The following UBA2 variants were observed in gnomAD, a reference collection of about 807,000 sequenced individuals.
UBA2 encodes ubiquitin like modifier activating enzyme 2, also known as SUMO-activating enzyme subunit 2.
A neutral mutation model predicts 77.2 loss-of-function variants in UBA2; 11 were observed. That is an observed-to-expected ratio of 0.14 (90% CI 0.09 to 0.24). The LOEUF (loss-of-function observed/expected upper bound fraction) is 0.24. Among genes scored for constraint, UBA2 ranks in the 10% least tolerant of loss-of-function variants. The probability of loss-of-function intolerance (pLI) is 1.00; values close to 1 mark genes in which losing one functional copy is unlikely to be tolerated. For missense variants in UBA2, 487 were observed against 781.7 expected (o/e 0.62, Z 4.50); for synonymous variants, 278 against 276.7 (o/e 1.00, Z -0.05).
rs1318681458 is a variant in UBA2, at chr19:34,454,425, C to A, written c.1133-19C>A. ...TTTTTAAACAGTGAAACATACTCATCCTTTTTTTTTTTTCCCAGCAATGGC... is the reference window on the plus strand; with the variant it reads ...TTTTTAAACAGTGAAACATACTCATACTTTTTTTTTTTTCCCAGCAATGGC... On this transcript the variant is annotated intron_variant, in intron 11 of 16. Transcript: ENST00000246548. 1.3e-6 allele frequency: 2 copies of A among 1,540,854 alleles called. No homozygotes were observed. Among genetic ancestry groups the A allele is most frequent in the African/African-American group, 2.8e-5 (2 of 72,082 alleles).
chr19:34,460,385 T>C (rs1253086460), intron 13 of UBA2, 85 bp from the exon 14 acceptor site: 6 of 892,164 alleles, frequency 6.7e-6, no homozygotes, highest in Non-Finnish European at 1.0e-5. Flanking sequence ...AAGGGGAAAG[T>C]AAGAGCCTTT....
chr19:34,456,195 A>G (rs545732098), intron 12 of UBA2, among the ~76,000 whole-genome samples: 9 of 138,578 alleles, frequency 6.5e-5, no homozygotes, highest in Admixed American at 4.0e-4. Context: ...GCTCACTGCA[A>G]CCTCCACCTG....
chr19:34,469,114 G>C lies in UBA2; in HGVS notation c.1816G>C (p.Glu606Gln), dbSNP rs1260968686. The stretch of plus-strand genomic sequence containing the variant: ...TTCAAATAATGCCGACGTCAGTGAA[G>C]AAGAGAGAAGCCGCAAGAGGAAATT... Reference protein sequence around the residue: ...DSSNNADVSEEERSRKRKLDE... With the variant: ...DSSNNADVSEQERSRKRKLDE... Residue 606 changes from glutamate to glutamine, a missense_variant, in exon 17 of 17, where the codon GAA (glutamate) becomes CAA (glutamine). Transcript: ENST00000246548. 6.2e-7 allele frequency: 1 copy of C among 1,613,692 alleles called. No homozygotes were observed. Among genetic ancestry groups the C allele is most frequent in the Admixed American group, 1.7e-5 (1 of 59,974 alleles).
intron 5 of UBA2, among the ~76,000 whole-genome samples, chr19:34,437,367 T>C (rs535171046): frequency 6.7e-6 from 1 of 149,820 alleles, no homozygotes; most frequent in South Asian, 2.2e-4. Context: ...CCCAGCACTT[T>C]GGGAGGCCAA....
At position 34,460,541 on chromosome 19, in the gene UBA2, A is replaced by G. The variant is rs765778873; in HGVS notation, c.1473A>G (p.Ile491Met). The G allele has an allele frequency of 4.3e-6, 7 of 1,611,444 alleles. No homozygotes were observed. Among genetic ancestry groups the G allele is most frequent in the Non-Finnish European group, 5.9e-6 (7 of 1,178,892 alleles). ...QIEDGKGTIL[I>M]SSEEGETEAN... Reference sequence around the variant, plus strand: ...AAGATGGGAAAGGAACAATCCTAATATCTTCCGAAGAGGGAGAGACGGAAG... The same window carrying G: ...AAGATGGGAAAGGAACAATCCTAATGTCTTCCGAAGAGGGAGAGACGGAAG... The change falls in exon 14 of 17, where the codon ATA becomes ATG. Residue 491 changes from isoleucine to methionine, a missense_variant. Ile to Met is a conservative substitution (Grantham distance 10). This residue lies in a region of UBA2 where 300 missense variants were observed against 454.3 expected (regional missense o/e 0.66). Coordinates refer to ENST00000246548, the MANE Select transcript of UBA2 (RefSeq NM_005499.3).
chr19:34,437,412 CCAG>C (rs999716247), intron 5 of UBA2, among the ~76,000 whole-genome samples: 3 of 150,284 alleles, frequency 2.0e-5, no homozygotes, highest in African/African-American at 7.3e-5. Context: ...GAGTTCGAGA[CCAG>C]CCTGGCCAAC....
intron 7 of UBA2, 40 bp from the exon 8 acceptor site, chr19:34,444,960 A>C (rs1488700160): frequency 6.3e-7 from 1 of 1,595,764 alleles, no homozygotes; most frequent in Non-Finnish European, 8.5e-7. Context: ...TCAGTTCTAC[A>C]TTTATTACGG....
chr19:34,450,217 A>G (rs1303632236), intron 8 of UBA2, 48 bp from the exon 9 acceptor site: 1 of 1,327,596 alleles, frequency 7.5e-7, no homozygotes, highest in Admixed American at 1.9e-5. Flanking sequence ...CTTGTATCTT[A>G]TCAATTAGGG....
chr19:34,459,076 C>G, intron 13 of UBA2, 152 bp downstream of exon 13: 1 of 792,606 alleles, frequency 1.3e-6, no homozygotes, highest in Non-Finnish European at 1.9e-6. Context: ...TTCCTGCAGG[C>G]TTTTCTGTCT....
chr19:34,455,822 T>C (rs2075552068), intron 12 of UBA2, among the ~76,000 whole-genome samples: 1 of 152,094 alleles, frequency 6.6e-6, no homozygotes, highest in African/African-American at 2.4e-5. Flanking sequence ...TTTGTATTTT[T>C]AGTAGAGACG....
chr19:34,457,542 C>T (rs1404400225), intron 12 of UBA2, among the ~76,000 whole-genome samples: 1 of 152,132 alleles, frequency 6.6e-6, no homozygotes. Flanking sequence ...AATCTTTCTC[C>T]CTCTGTAGCC....
At position 34,428,449 on chromosome 19, in the gene UBA2, G is replaced by A. The variant is rs1356234028; in HGVS notation, c.17G>A (p.Gly6Glu). The A allele has an allele frequency of 7.0e-6, 9 of 1,277,890 alleles. No individual in the cohort carries two copies. Among genetic ancestry groups the A allele is most frequent in the African/African-American group, 1.5e-5 (1 of 66,080 alleles). The allele number at this position is 1,277,890 out of a possible 1,614,324, so 79.2% of individuals were successfully genotyped here. Residue 6 changes from glycine (G) to glutamate (E), a missense_variant, in exon 1 of 17, where the codon GGG (glycine) becomes GAG (glutamate). By Grantham distance (98) the Gly-to-Glu change is moderately conservative (BLOSUM62 -2). This residue lies in a region of UBA2 where 30 missense variants were observed against 27.4 expected (regional missense o/e 1.09). Transcript: ENST00000246548. MALSRGLPRELAEAVA... is the reference protein window; with the variant it reads MALSRELPRELAEAVA... Reference sequence around the variant, plus strand: ...TGTCCCGCCATGGCACTGTCGCGGGGGCTGCCCCGGGAGCTGGCTGAGGCG... The same window carrying A: ...TGTCCCGCCATGGCACTGTCGCGGGAGCTGCCCCGGGAGCTGGCTGAGGCG...
At chr19:34,432,648 C>G (rs963171717) in intron 3 of UBA2, among the ~76,000 whole-genome samples, 5 of 152,136 alleles carry the variant, frequency 3.3e-5, no homozygotes, top group Non-Finnish European at 5.9e-5. Flanking sequence ...ACCTCCGCCT[C>G]CTGGGTTCAA....
intron 10 of UBA2, 129 bp downstream of exon 10, chr19:34,452,276 A>G: frequency 3.5e-6 from 3 of 852,840 alleles, no homozygotes; most frequent in Non-Finnish European, 5.2e-6. Flanking sequence ...TTTGGCTTGG[A>G]TATTTTCAGC....
At chr19:34,434,756 A>T (rs1305510629) in intron 4 of UBA2, 112 bp from the exon 5 acceptor site, 3 of 780,012 alleles carry the variant, frequency 3.8e-6, no homozygotes, top group Non-Finnish European at 6.4e-6. Context: ...TAGCTATAAG[A>T]AAATTGTACA....
At chr19:34,449,035 CTT>C (rs1428674815) in intron 8 of UBA2, among the ~76,000 whole-genome samples, 2 of 139,294 alleles carry the variant, frequency 1.4e-5, no homozygotes, top group African/African-American at 2.7e-5. Flanking sequence ...TAAGGAGACT[CTT>C]TCCTTATTTC....
rs754236216 is a variant in UBA2, at chr19:34,438,662, T to C, written c.477T>C (p.Tyr159=). ...TTIKKGVTEC[Y]ECHPKPTQRT... is the part of the protein sequence containing the mutation. ...CTTCATAGGGTGTGACCGAGTGTTATGAGTGTCATCCTAAGCCGACCCAGA... is the reference window on the plus strand; with the variant it reads ...CTTCATAGGGTGTGACCGAGTGTTACGAGTGTCATCCTAAGCCGACCCAGA... Residue 159 remains tyrosine, a synonymous_variant, in exon 6 of 17, where the codon TAT becomes TAC. Coordinates refer to ENST00000246548, the MANE Select transcript of UBA2 (RefSeq NM_005499.3). 43 of 1,614,214 alleles carry C rather than the reference T, an allele frequency of 2.7e-5. No individual in the cohort carries two copies. The highest frequency in any genetic ancestry group is 6.7e-5 in the Admixed American group (4 of 60,014).
At chr19:34,456,106 CTTTTTTTT>C (rs869130576) in intron 12 of UBA2, among the ~76,000 whole-genome samples, 3 of 73,628 alleles carry the variant, frequency 4.1e-5, no homozygotes, top group African/African-American at 1.1e-4. Context: ...TTTTCTTTTT[CTTTTTTTT>C]TTTTTTTTTT....
At chr19:34,465,237 C>T (rs575971118) in intron 15 of UBA2, among the ~76,000 whole-genome samples, 1 of 152,260 alleles carries the variant, frequency 6.6e-6, no homozygotes, top group South Asian at 2.1e-4. Flanking sequence ...CTGCCACCTG[C>T]GTCCAGTTAT....
Sources: gnomAD v4.1 joint callset for allele counts (sites outside exome capture counted in the v4.1 genomes callset) on GRCh38, gnomAD v4.1.1 for gene constraint, gnomAD v4.1.1 regional missense constraint, MANE v1.5 for transcripts, NCBI Gene and HGNC (gene_info 2026-07-23, HGNC 2026-07-21) for gene names.